The following SNX29 variants were observed in gnomAD, a reference collection of about 807,000 sequenced individuals.
SNX29 encodes the protein sorting nexin 29, also known as sorting nexin-29.
Under a neutral mutation model 102.1 loss-of-function variants are expected in SNX29, and 78 were observed. The observed-to-expected ratio is 0.76, with a 90% CI of 0.64 to 0.92. SNX29 has a LOEUF of 0.92. Among genes scored for constraint, SNX29 ranks in the 40% least tolerant of loss-of-function variants. The pLI, the probability that SNX29 is intolerant of heterozygous loss-of-function variation, is 0.00. For synonymous variants in SNX29, 580 were observed against 414.5 expected, an observed-to-expected ratio of 1.40 and a Z score of -4.85; for missense variants, 1,280 against 1,061.7, an observed-to-expected ratio of 1.21 and a Z score of -2.86.
At chr16:11,978,603 A>C (rs1325897809) in intron 1 of SNX29, among the ~76,000 whole-genome samples, 1 of 152,090 alleles carries the variant, frequency 6.6e-6, no homozygotes, top group Non-Finnish European at 1.5e-5. Context: ...CCTAGTTATG[A>C]GAGGAGGGCT....
chr16:12,313,012 T>C lies in SNX29; in HGVS notation c.1782+34976T>C, dbSNP rs548893125. On this transcript the variant is annotated intron_variant, in intron 15 of 20. Coordinates refer to ENST00000566228, the MANE Select transcript of SNX29 (RefSeq NM_032167.5). ...GAGCTTCGGACCCTGGGGAGACTTT[T>C]TGTTTTCTGTTTTTTTTTTTTAGAC... Among the ~76,000 whole-genome samples the C allele has an allele frequency of 5.9e-5, 8 of 134,684 alleles. No homozygotes were observed. The South Asian group carries it at 9.0e-4, about 15-fold the overall frequency. 88.4% of individuals were successfully genotyped at this position (134,684 alleles called of 152,430 possible).
chr16:12,227,114 C>G lies in SNX29; in HGVS notation c.1678+27431C>G, dbSNP rs77786788. Reference sequence around the variant, plus strand: ...GGGGCTTTTGTACAAGCCAGCATTGCTGTTGTCATGCAGTGCATCTGGGGG... The same window carrying G: ...GGGGCTTTTGTACAAGCCAGCATTGGTGTTGTCATGCAGTGCATCTGGGGG... On this transcript the variant is annotated intron_variant, in intron 14 of 20. Coordinates refer to ENST00000566228, the MANE Select transcript of SNX29 (RefSeq NM_032167.5). Among the ~76,000 whole-genome samples the G allele has an allele frequency of 2.4e-3, 362 of 150,606 alleles. 2 individuals carry two copies. The highest frequency in any genetic ancestry group is 8.1e-3 in the African/African-American group (331 of 40,866).
chr16:12,412,152 C>T (rs556723863), intron 18 of SNX29, among the ~76,000 whole-genome samples: 11 of 152,314 alleles, frequency 7.2e-5, no homozygotes, highest in East Asian at 5.8e-4. Flanking sequence ...TCGGGTAGGA[C>T]GCCCCAGCCT....
intron 20 of SNX29, among the ~76,000 whole-genome samples, chr16:12,551,862 G>A (rs556824477): frequency 3.3e-5 from 5 of 152,294 alleles, no homozygotes; most frequent in Admixed American, 1.3e-4. Flanking sequence ...GGAGCAGGCA[G>A]GTGATATTTC....
intron 15 of SNX29, among the ~76,000 whole-genome samples, chr16:12,348,084 A>G (rs79262673): frequency 0.061 from 9,286 of 152,014 alleles, 940 homozygotes; most frequent in African/African-American, 0.21. Flanking sequence ...TCTCTGGAAA[A>G]CAAAATTAAA....
At chr16:12,311,557 C>T (rs529793180) in intron 15 of SNX29, among the ~76,000 whole-genome samples, 1 of 152,266 alleles carries the variant, frequency 6.6e-6, no homozygotes, top group South Asian at 2.1e-4. Context: ...CTGAAATGCT[C>T]TTCCCAAGGC....
intron 20 of SNX29, among the ~76,000 whole-genome samples, chr16:12,552,584 G>T (rs1056642754): frequency 6.6e-6 from 1 of 151,104 alleles, no homozygotes; most frequent in Non-Finnish European, 1.5e-5. Flanking sequence ...TGCCCTCATG[G>T]AGTTTATATT....
chr16:12,516,507 G>A (rs2089873525), intron 19 of SNX29, among the ~76,000 whole-genome samples: 1 of 147,592 alleles, frequency 6.8e-6, no homozygotes, highest in African/African-American at 2.5e-5. Context: ...AAAAGGTGCA[G>A]GATGGAATCT....
intron 13 of SNX29, among the ~76,000 whole-genome samples, chr16:12,163,250 C>T (rs1221110885): frequency 6.6e-6 from 1 of 152,174 alleles, no homozygotes; most frequent in Non-Finnish European, 1.5e-5. Flanking sequence ...GGTCACCCTG[C>T]TGAGAAAGGC....
rs115217286 is a variant in SNX29 at position 12,005,459 on chromosome 16, A to G, written c.122+2416A>G. Reference sequence around the variant, plus strand: ...GGACTCCCAGGTGATTCTGCTGGACACCAAAGCTTCCAGTGCAATCACTGT... The same window carrying G: ...GGACTCCCAGGTGATTCTGCTGGACGCCAAAGCTTCCAGTGCAATCACTGT... On this transcript the variant is annotated intron_variant, in intron 3 of 20. Coordinates refer to ENST00000566228, the MANE Select transcript of SNX29 (RefSeq NM_032167.5). 6.2e-3 allele frequency among the ~76,000 whole-genome samples: 948 copies of G among 152,272 alleles called. 11 individuals are homozygous for G. The highest frequency in any genetic ancestry group is 0.022 in the African/African-American group (906 of 41,546).
intron 15 of SNX29, among the ~76,000 whole-genome samples, chr16:12,296,405 T>C (rs2079983324): frequency 6.6e-6 from 1 of 152,218 alleles, no homozygotes; most frequent in Admixed American, 6.5e-5. Flanking sequence ...TACAATTTTT[T>C]TGACACATCA....
intron 19 of SNX29, among the ~76,000 whole-genome samples, chr16:12,519,065 G>A (rs1436063853): frequency 6.6e-6 from 1 of 152,158 alleles, no homozygotes; most frequent in African/African-American, 2.4e-5. Flanking sequence ...GGTGCTATGT[G>A]GTCCGCTAAT....
At chr16:12,355,503 C>A (rs1036729185) in intron 15 of SNX29, among the ~76,000 whole-genome samples, 3 of 152,154 alleles carry the variant, frequency 2.0e-5, no homozygotes, top group Admixed American at 6.5e-5. Context: ...CCTGACCTCG[C>A]ATTCTGGGGA....
chr16:12,290,302 A>G (rs2079750678), intron 15 of SNX29, among the ~76,000 whole-genome samples: 1 of 152,160 alleles, frequency 6.6e-6, no homozygotes, highest in African/African-American at 2.4e-5. Flanking sequence ...ACCTTCACAC[A>G]GGCAGGTGTA....
intron 19 of SNX29, among the ~76,000 whole-genome samples, chr16:12,490,947 CTG>C (rs772915971): frequency 6.6e-6 from 1 of 152,262 alleles, no homozygotes; most frequent in Non-Finnish European, 1.5e-5. Context: ...CGGAATCATT[CTG>C]TGTCCTTATA....
At chr16:12,114,046 C>T (rs1368660367) in intron 11 of SNX29, among the ~76,000 whole-genome samples, 1 of 152,196 alleles carries the variant, frequency 6.6e-6, no homozygotes. Context: ...GCCGTGACAT[C>T]ACATGTCTTT....
chr16:12,427,283 T>C (rs1328447023), intron 18 of SNX29, among the ~76,000 whole-genome samples: 2 of 152,072 alleles, frequency 1.3e-5, no homozygotes. Context: ...TGTTGTTTTT[T>C]TTTGTGATGA....
chr16:12,407,096 G>A (rs2084196231), intron 18 of SNX29, among the ~76,000 whole-genome samples: 2 of 152,184 alleles, frequency 1.3e-5, no homozygotes, highest in African/African-American at 4.8e-5. Flanking sequence ...TGGCAAGATG[G>A]TGGTGTATGT....
At chr16:12,263,920 A>C (rs2078851668) in intron 14 of SNX29, among the ~76,000 whole-genome samples, 1 of 152,214 alleles carries the variant, frequency 6.6e-6, no homozygotes, top group Non-Finnish European at 1.5e-5. Context: ...TAATCTAGGT[A>C]GACGGTCAAG....
Sources: gnomAD v4.1 joint callset for allele counts (sites outside exome capture counted in the v4.1 genomes callset) on GRCh38, gnomAD v4.1.1 for gene constraint, MANE v1.5 for transcripts, NCBI Gene and HGNC (gene_info 2026-07-23, HGNC 2026-07-21) for gene names.